MYH15: variants seen among roughly 807,000 people sequenced by gnomAD.
MYH15 encodes the protein myosin heavy chain 15.
Under a neutral mutation model 240.5 loss-of-function variants are expected in MYH15, and 227 were observed. The ratio of observed to expected loss-of-function variants is 0.94; its 90% CI spans 0.85 to 1.05. The LOEUF (loss-of-function observed/expected upper bound fraction) is 1.05. Among genes scored for constraint, MYH15 ranks in the 50% least tolerant of loss-of-function variants. The probability of loss-of-function intolerance (pLI) is 0.00; values close to 1 mark genes in which losing one functional copy is unlikely to be tolerated. For synonymous variants in MYH15, 785 were observed against 796.7 expected (o/e 0.99, Z 0.25); for missense variants, 2,217 against 2,247.5 (o/e 0.99, Z 0.27).
intron 15 of MYH15, among the ~76,000 whole-genome samples, chr3:108,463,603 G>A (rs6781801): frequency 0.23 from 34,713 of 151,980 alleles, 4,646 homozygotes; most frequent in Non-Finnish European, 0.3. Context: ...CCAAAGTGCT[G>A]GGATTACAGG....
At chr3:108,445,787 A>G (rs2082922394) in intron 21 of MYH15, among the ~76,000 whole-genome samples, 1 of 152,208 alleles carries the variant, frequency 6.6e-6, no homozygotes, top group African/African-American at 2.4e-5. Flanking sequence ...TATTAAAGGT[A>G]TAAAGGAAAG....
intron 32 of MYH15, 22 bp from the exon 33 acceptor site, chr3:108,405,475 C>T: frequency 7.2e-7 from 1 of 1,396,764 alleles, no homozygotes; most frequent in African/African-American, 1.4e-5. Flanking sequence ...AAATAAAAAG[C>T]ATTAAATGAA....
At chr3:108,424,405 G>C (rs2082710283) in intron 27 of MYH15, among the ~76,000 whole-genome samples, 3 of 152,164 alleles carry the variant, frequency 2.0e-5, no homozygotes, top group Non-Finnish European at 1.5e-5. Flanking sequence ...GGCCTATATG[G>C]GGATATAGCA....
chr3:108,507,782 C>T (rs1257903526), intron 1 of MYH15, among the ~76,000 whole-genome samples: 1 of 152,156 alleles, frequency 6.6e-6, no homozygotes, highest in Admixed American at 6.5e-5. Flanking sequence ...GTTTTAAATA[C>T]TGGCTTTGCA....
chr3:108,430,997 T>C (rs1040619979), intron 25 of MYH15, 75 bp from the exon 26 acceptor site: 5 of 977,318 alleles, frequency 5.1e-6, no homozygotes, highest in African/African-American at 1.6e-5. Context: ...AATTGTAATA[T>C]TCCTAACACA....
At position 108,528,698 on chromosome 3, in the gene MYH15, C is replaced by T. The variant is rs74355094; in HGVS notation, c.-58+565G>A. Among the ~76,000 whole-genome samples the T allele has an allele frequency of 7.0e-3, 1,062 of 152,172 alleles. 5 individuals carry two copies. Among genetic ancestry groups the T allele is most frequent in the African/African-American group, 0.024 (1,000 of 41,510 alleles). ...TCTATTTGTAGATAAGGAATTGAGG[C>T]TTGGAAAAGAGAGACGACTACACAA... is the stretch of plus-strand genomic sequence containing the variant. On this transcript the variant is annotated intron_variant, in intron 1 of 41. Coordinates refer to the MYH15 transcript ENST00000273353.
intron 1 of MYH15, among the ~76,000 whole-genome samples, chr3:108,519,612 T>C (rs1245809750): frequency 1.3e-5 from 2 of 152,198 alleles, no homozygotes; most frequent in African/African-American, 4.8e-5. Flanking sequence ...GCTATACTTT[T>C]GTGCTTCAGA....
At chr3:108,401,161 A>G (rs6768228) in intron 33 of MYH15, among the ~76,000 whole-genome samples, 47,738 of 152,046 alleles carry the variant, frequency 0.31, 8,065 homozygotes, top group Non-Finnish European at 0.38. Context: ...TTATGTCCCC[A>G]CCAAAATTTA....
intron 33 of MYH15, among the ~76,000 whole-genome samples, chr3:108,403,260 C>A (rs2082521138): frequency 1.3e-5 from 2 of 152,186 alleles, no homozygotes; most frequent in Non-Finnish European, 2.9e-5. Flanking sequence ...AATGAGTTAC[C>A]CAGTTTGCTG....
chr3:108,546,928 A>C, the MYH15 span, among the ~76,000 whole-genome samples: 12 of 152,104 alleles, frequency 7.9e-5, no homozygotes, highest in Non-Finnish European at 1.6e-4. Flanking sequence ...TTTCAAAGTG[A>C]TTTGCATGTT....
chr3:108,529,529 A>G (rs2083698187), upstream of MYH15, among the ~76,000 whole-genome samples: 2 of 152,208 alleles, frequency 1.3e-5, no homozygotes, highest in African/African-American at 4.8e-5. Flanking sequence ...ATTTTATTCT[A>G]TATTTCAAAA....
At chr3:108,389,158 C>T (rs2082405749) in intron 37 of MYH15, 84 bp from the exon 38 acceptor site, 8 of 1,220,404 alleles carry the variant, frequency 6.6e-6, no homozygotes, top group Non-Finnish European at 9.6e-6. Flanking sequence ...ATTTGAAAGA[C>T]AGCAAAGTGT....
chr3:108,433,769 C>T (rs2082801589), intron 25 of MYH15, among the ~76,000 whole-genome samples: 1 of 152,146 alleles, frequency 6.6e-6, no homozygotes, highest in African/African-American at 2.4e-5. Flanking sequence ...TGTGAGGCCT[C>T]CCAAGACATG....
chr3:108,463,009 C>G (rs2083084003), intron 16 of MYH15, 102 bp downstream of exon 16: 2 of 1,344,744 alleles, frequency 1.5e-6, no homozygotes, highest in African/African-American at 2.9e-5. Context: ...CCACAGGGAG[C>G]AGAAACATAT....
intron 27 of MYH15, among the ~76,000 whole-genome samples, chr3:108,427,493 C>T (rs961282930): frequency 7.2e-5 from 11 of 152,054 alleles, no homozygotes; most frequent in African/African-American, 2.2e-4. Context: ...CTGCTGCTAC[C>T]TTGATCTTGG....
chr3:108,469,847 GT>G (rs1422860480), intron 14 of MYH15, among the ~76,000 whole-genome samples, 194 bp downstream of exon 14: 1 of 152,260 alleles, frequency 6.6e-6, no homozygotes, highest in Non-Finnish European at 1.5e-5. Context: ...AGATGATGGA[GT>G]GGGGCAACTG....
intron 1 of MYH15, among the ~76,000 whole-genome samples, chr3:108,520,810 T>A (rs1277370843): frequency 6.6e-6 from 1 of 152,150 alleles, no homozygotes; most frequent in Non-Finnish European, 1.5e-5. Flanking sequence ...AAATAGTTAA[T>A]CATAGATATC....
At chr3:108,479,396 G>T (rs1214602273) in intron 11 of MYH15, among the ~76,000 whole-genome samples, 1 of 152,124 alleles carries the variant, frequency 6.6e-6, no homozygotes. Context: ...TAAACAACAG[G>T]CTCCCTGAAG....
At chr3:108,412,667 C>T (rs189586963) in intron 30 of MYH15, among the ~76,000 whole-genome samples, 4 of 152,256 alleles carry the variant, frequency 2.6e-5, no homozygotes, top group African/African-American at 7.2e-5. Context: ...TTAGTTATCT[C>T]GAATATGTAA....
Sources: allele counts gnomAD v4.1 joint callset (sites outside exome capture counted in the v4.1 genomes callset), GRCh38; gene constraint gnomAD v4.1.1; transcripts MANE v1.5; gene names NCBI Gene and HGNC (gene_info 2026-07-23, HGNC 2026-07-21).